Variants in PALM2AKAP2 observed in about 807,000 individuals in gnomAD.
PALM2AKAP2 encodes the protein PALM2-AKAP2 fusion protein.
Under a neutral mutation model 71.5 loss-of-function variants are expected in PALM2AKAP2, and 37 were observed. The observed-to-expected ratio is 0.52, with a 90% CI of 0.40 to 0.68. PALM2AKAP2 has a LOEUF of 0.68. Among genes scored for constraint, PALM2AKAP2 ranks in the 30% least tolerant of loss-of-function variants. The pLI is 0.00. For synonymous variants in PALM2AKAP2, 468 were observed against 478.8 expected, an observed-to-expected ratio of 0.98 and a Z score of 0.29; for missense variants, 1,224 against 1,191.8, an observed-to-expected ratio of 1.03 and a Z score of -0.40.
At chr9:110,036,151 G>A (rs1314061485) in intron 7 of PALM2AKAP2, among the ~76,000 whole-genome samples, 2 of 152,046 alleles carry the variant, frequency 1.3e-5, no homozygotes, top group Non-Finnish European at 2.9e-5. Context: ...TAGCTAGGAT[G>A]GTCTCAATCT....
Position 110,010,152 on chromosome 9 carries a change from C to T in PALM2AKAP2, c.497-5802C>T, listed in dbSNP as rs150870646. Among the ~76,000 whole-genome samples, 76 of 152,248 alleles carry T rather than the reference C, an allele frequency of 5.0e-4. 1 individual carries two copies. The highest frequency in any genetic ancestry group is 1.8e-3 in the African/African-American group (74 of 41,552). On this transcript the variant is annotated intron_variant, in intron 6 of 9. Transcript: ENST00000302798. The stretch of plus-strand genomic sequence containing the variant: ...CCTGATGGATATTTATAAACATAAC[C>T]TCAGCTACAAGTAGACAGGTCTCAA...
chr9:109,967,358 G>A (rs1831971121), intron 6 of PALM2AKAP2, among the ~76,000 whole-genome samples: 1 of 151,782 alleles, frequency 6.6e-6, no homozygotes, highest in African/African-American at 2.4e-5. Flanking sequence ...TGTATTAGAA[G>A]CAAGGCACTA....
intron 6 of PALM2AKAP2, among the ~76,000 whole-genome samples, chr9:109,954,513 T>TG (rs1012871924): frequency 1.5e-4 from 4 of 27,382 alleles, no homozygotes; most frequent in African/African-American, 6.1e-4. Flanking sequence ...TGTAGTGGGG[T>TG]GGGGGGAGGG....
intron 3 of PALM2AKAP2, among the ~76,000 whole-genome samples, chr9:110,158,394 C>T (rs1006681879): frequency 6.6e-6 from 1 of 152,148 alleles, no homozygotes; most frequent in South Asian, 2.1e-4. Flanking sequence ...ATGTGACCCA[C>T]GCGAGTGTTT....
chr9:109,971,514 C>T (rs1832068874), intron 6 of PALM2AKAP2, among the ~76,000 whole-genome samples: 1 of 152,008 alleles, frequency 6.6e-6, no homozygotes, highest in South Asian at 2.1e-4. Flanking sequence ...CAACCTCCCA[C>T]TCCCGGCTTC....
intron 1 of PALM2AKAP2, among the ~76,000 whole-genome samples, chr9:110,094,941 T>C (rs1312233746): frequency 6.6e-6 from 1 of 152,250 alleles, no homozygotes; most frequent in Non-Finnish European, 1.5e-5. Context: ...TTTTACATTC[T>C]GAATGGTGAA....
intron 1 of PALM2AKAP2, among the ~76,000 whole-genome samples, chr9:110,058,731 T>G (rs1185887806): frequency 6.6e-6 from 1 of 152,080 alleles, no homozygotes; most frequent in Non-Finnish European, 1.5e-5. Flanking sequence ...TTCCTTCCCA[T>G]TCTCTTTAGA....
chr9:109,655,943 G>T (rs149107550), intron 1 of PALM2AKAP2, among the ~76,000 whole-genome samples: 1 of 152,170 alleles, frequency 6.6e-6, no homozygotes, highest in East Asian at 1.9e-4. Context: ...TGGGCATAAG[G>T]GTTAATAGAT....
intron 1 of PALM2AKAP2, among the ~76,000 whole-genome samples, chr9:109,859,791 A>G (rs1829263269): frequency 6.6e-6 from 1 of 152,272 alleles, no homozygotes; most frequent in Admixed American, 6.5e-5. Flanking sequence ...AGGCAGAACA[A>G]TGTAGAAAAC....
At chr9:110,078,817 C>G (rs1375618722) in intron 1 of PALM2AKAP2, among the ~76,000 whole-genome samples, 1 of 152,208 alleles carries the variant, frequency 6.6e-6, no homozygotes, top group Non-Finnish European at 1.5e-5. Context: ...GCTGGTGATA[C>G]ACATGGAGTG....
At chr9:109,742,568 T>C (rs1220282200) in intron 1 of PALM2AKAP2, among the ~76,000 whole-genome samples, 1 of 152,204 alleles carries the variant, frequency 6.6e-6, no homozygotes, top group Non-Finnish European at 1.5e-5. Flanking sequence ...TACTCATTTG[T>C]CTGTGTTCTA....
At chr9:109,756,735 T>G (rs1180235084) in intron 1 of PALM2AKAP2, among the ~76,000 whole-genome samples, 2 of 152,202 alleles carry the variant, frequency 1.3e-5, no homozygotes, top group Non-Finnish European at 2.9e-5. Flanking sequence ...ATCCCATTAT[T>G]TCACCACCAG....
At position 109,768,210 on chromosome 9, in the gene PALM2AKAP2, A is replaced by G. The variant is rs534130784; in HGVS notation, c.6-12278A>G. ...TAAAGCAGGCAGGCAGGGAGAAAAA[A>G]GGAAGGAAGGAAAGAAGGAAGGAAG... On this transcript the variant is annotated intron_variant, in intron 1 of 6. Coordinates refer to the PALM2AKAP2 transcript ENST00000374531. 9.7e-4 allele frequency among the ~76,000 whole-genome samples: 148 copies of G among 152,104 alleles called. 1 individual carries two copies. Among genetic ancestry groups the G allele is most frequent in the Middle Eastern group, 3.4e-3 (1 of 290 alleles).
chr9:109,918,701 C>T (rs1487169995), intron 3 of PALM2AKAP2, among the ~76,000 whole-genome samples: 1 of 152,208 alleles, frequency 6.6e-6, no homozygotes, highest in African/African-American at 2.4e-5. Context: ...CTGCTTTGCC[C>T]CAGGACTCAG....
At chr9:109,762,804 C>A (rs1316553231) in intron 1 of PALM2AKAP2, among the ~76,000 whole-genome samples, 4 of 152,224 alleles carry the variant, frequency 2.6e-5, no homozygotes, top group Admixed American at 2.0e-4. Context: ...TTTGCCTTGG[C>A]AGACATGGCT....
chr9:109,969,088 G>GCACACACACACACACACACA (rs34057385), intron 6 of PALM2AKAP2, among the ~76,000 whole-genome samples: 4,488 of 149,626 alleles, frequency 0.03, 96 homozygotes, highest in East Asian at 0.072. Flanking sequence ...AAATGTGCGT[G>GCACACACACACACACACACA]CACACACACA....
chr9:109,797,098 T>G (rs1437773925), intron 1 of PALM2AKAP2, among the ~76,000 whole-genome samples: 2 of 152,220 alleles, frequency 1.3e-5, no homozygotes, highest in Non-Finnish European at 2.9e-5. Flanking sequence ...TTCCTTTGCC[T>G]GATGCTACCT....
At chr9:109,917,184 A>G (rs1315333350) in intron 3 of PALM2AKAP2, among the ~76,000 whole-genome samples, 1 of 152,242 alleles carries the variant, frequency 6.6e-6, no homozygotes, top group Non-Finnish European at 1.5e-5. Context: ...GAAGGGACCC[A>G]CAAGGCACGG....
chr9:110,119,534 T>C (rs1835440692), intron 1 of PALM2AKAP2, among the ~76,000 whole-genome samples: 1 of 152,138 alleles, frequency 6.6e-6, no homozygotes, highest in African/African-American at 2.4e-5. Flanking sequence ...GCATTGTGTA[T>C]TTTAAAGTGG....
Sources: gnomAD v4.1 joint callset for allele counts (sites outside exome capture counted in the v4.1 genomes callset) on GRCh38, gnomAD v4.1.1 for gene constraint, MANE v1.5 for transcripts, NCBI Gene and HGNC (gene_info 2026-07-23, HGNC 2026-07-21) for gene names.